The following CCSER1 variants were observed in gnomAD, a reference collection of about 807,000 sequenced individuals.
CCSER1 encodes serine-rich coiled-coil domain-containing protein 1.
CCSER1 carries 41 observed loss-of-function variants against 82.0 expected under a neutral mutation model. The ratio of observed to expected loss-of-function variants is 0.50; its 90% CI spans 0.39 to 0.65. The LOEUF is 0.65. Among genes scored for constraint, CCSER1 ranks in the 30% least tolerant of loss-of-function variants. The probability of loss-of-function intolerance (pLI) is 0.00; values close to 1 mark genes in which losing one functional copy is unlikely to be tolerated. For synonymous variants in CCSER1, 414 were observed against 383.9 expected (o/e 1.08, Z -0.92); for missense variants, 1,119 against 1,064.2 (o/e 1.05, Z -0.72).
At chr4:91,113,544 G>A (rs555304231) in intron 10 of CCSER1, among the ~76,000 whole-genome samples, 2 of 152,282 alleles carry the variant, frequency 1.3e-5, no homozygotes, top group South Asian at 4.1e-4. Flanking sequence ...CACAATCCAA[G>A]CTACATTCTG....
At chr4:90,220,344 TATCTC>T (rs1056523065) in intron 1 of CCSER1, among the ~76,000 whole-genome samples, 6 of 152,116 alleles carry the variant, frequency 3.9e-5, no homozygotes, top group African/African-American at 1.4e-4. Context: ...CATTAGCACT[TATCTC>T]AAAACAACAA....
At chr4:90,830,025 T>A (rs2149817151) in intron 8 of CCSER1, among the ~76,000 whole-genome samples, 1 of 152,300 alleles carries the variant, frequency 6.6e-6, no homozygotes, top group Admixed American at 6.5e-5. Context: ...TTAACACTTC[T>A]AATGTTAGCC....
chr4:90,450,312 C>T (rs1189919749), intron 4 of CCSER1, among the ~76,000 whole-genome samples: 6 of 152,130 alleles, frequency 3.9e-5, no homozygotes, highest in Non-Finnish European at 7.4e-5. Flanking sequence ...GTAAAATAGA[C>T]TAATCATTCT....
chr4:91,560,299 AACAC>A (rs199666006), intron 10 of CCSER1, among the ~76,000 whole-genome samples: 1 of 129,304 alleles, frequency 7.7e-6, no homozygotes, highest in African/African-American at 2.9e-5. Context: ...AAAGGAAACA[AACAC>A]TTTTCAGCAA....
At chr4:91,082,728 AC>A (rs1269619002) in intron 9 of CCSER1, among the ~76,000 whole-genome samples, 1 of 151,892 alleles carries the variant, frequency 6.6e-6, no homozygotes, top group East Asian at 1.9e-4. Context: ...AAATCAAACA[AC>A]CCCATCAAAA....
chr4:90,499,585 T>C (rs1251497994), intron 5 of CCSER1, among the ~76,000 whole-genome samples: 1 of 152,180 alleles, frequency 6.6e-6, no homozygotes, highest in Non-Finnish European at 1.5e-5. Context: ...TTTATTTTTT[T>C]CACACTATCT....
chr4:91,010,305 C>G (rs900926715), intron 9 of CCSER1, among the ~76,000 whole-genome samples: 11 of 152,102 alleles, frequency 7.2e-5, no homozygotes, highest in African/African-American at 2.7e-4. Context: ...CCTTATGCAT[C>G]CGACTTGATG....
intron 10 of CCSER1, among the ~76,000 whole-genome samples, chr4:91,377,255 GT>G (rs1750494694): frequency 1.3e-5 from 2 of 152,106 alleles, no homozygotes; most frequent in African/African-American, 4.8e-5. Context: ...AATCCTTTGG[GT>G]ATATACCCAG....
At chr4:90,986,742 A>G (rs527465617) in intron 9 of CCSER1, among the ~76,000 whole-genome samples, 56 of 151,934 alleles carry the variant, frequency 3.7e-4, no homozygotes, top group Non-Finnish European at 1.8e-4. Flanking sequence ...ATGAGAAGGT[A>G]GTTAAATTTA....
chr4:90,581,263 A>G (rs561461176), intron 5 of CCSER1, among the ~76,000 whole-genome samples: 129 of 152,300 alleles, frequency 8.5e-4, no homozygotes, highest in African/African-American at 3.1e-3. Context: ...AAAAACAGTG[A>G]TTGAAGAAAT....
chr4:90,863,711 A>T (rs1004034243), intron 8 of CCSER1, among the ~76,000 whole-genome samples: 9 of 151,910 alleles, frequency 5.9e-5, no homozygotes, highest in African/African-American at 2.2e-4. Flanking sequence ...AAAAGCAAAA[A>T]GGCAAAGAAA....
chr4:90,264,332 T>C (rs912857970), intron 1 of CCSER1, among the ~76,000 whole-genome samples: 2 of 152,324 alleles, frequency 1.3e-5, no homozygotes, highest in Admixed American at 6.5e-5. Flanking sequence ...TGTGTATACA[T>C]TGCATTTTTG....
intron 10 of CCSER1, among the ~76,000 whole-genome samples, chr4:91,548,960 C>G (rs372318039): frequency 6.6e-6 from 1 of 151,960 alleles, no homozygotes; most frequent in African/African-American, 2.4e-5. Flanking sequence ...GTTTTTTTCT[C>G]TCATGCTTCT....
intron 5 of CCSER1, among the ~76,000 whole-genome samples, chr4:90,502,681 G>A (rs370578471): frequency 3.9e-4 from 60 of 152,080 alleles, no homozygotes; most frequent in African/African-American, 1.3e-3. Context: ...AAAAAAACAA[G>A]ATCGAAGAAG....
chr4:90,470,407 T>C (rs1401824592), intron 5 of CCSER1, among the ~76,000 whole-genome samples: 1 of 152,114 alleles, frequency 6.6e-6, no homozygotes, highest in Non-Finnish European at 1.5e-5. Flanking sequence ...AAGAACAGAG[T>C]ATAAATGCAA....
At chr4:91,450,880 C>T (rs1240499066) in intron 10 of CCSER1, among the ~76,000 whole-genome samples, 1 of 151,880 alleles carries the variant, frequency 6.6e-6, no homozygotes, top group Non-Finnish European at 1.5e-5. Flanking sequence ...ATTCACAATC[C>T]AAAAAGCCAG....
At chr4:90,978,423 C>T (rs1334930334) in intron 9 of CCSER1, among the ~76,000 whole-genome samples, 2 of 151,574 alleles carry the variant, frequency 1.3e-5, no homozygotes, top group Admixed American at 6.6e-5. Context: ...TAATCTGCCA[C>T]TTTAAAAATA....
intron 1 of CCSER1, among the ~76,000 whole-genome samples, chr4:90,257,981 A>G (rs1723654280): frequency 6.6e-6 from 1 of 152,148 alleles, no homozygotes; most frequent in Non-Finnish European, 1.5e-5. Context: ...ACCCTCAATA[A>G]TGTTTAACCA....
At chr4:90,351,687 A>G (rs1222566971) in intron 3 of CCSER1, among the ~76,000 whole-genome samples, 1 of 152,196 alleles carries the variant, frequency 6.6e-6, no homozygotes, top group Non-Finnish European at 1.5e-5. Context: ...GGAAAAATAG[A>G]TTATTTATGG....
Sources: gnomAD v4.1 joint callset for allele counts (sites outside exome capture counted in the v4.1 genomes callset) on GRCh38, gnomAD v4.1.1 for gene constraint, MANE v1.5 for transcripts, NCBI Gene and HGNC (gene_info 2026-07-23, HGNC 2026-07-21) for gene names.